TLL1: variants seen among roughly 807,000 people sequenced by gnomAD.
TLL1 encodes the protein tolloid like 1, also known as tolloid-like protein 1.
Under a neutral mutation model 128.2 loss-of-function variants are expected in TLL1, and 49 were observed. That is an observed-to-expected ratio of 0.38 (90% CI 0.30 to 0.48). The LOEUF (loss-of-function observed/expected upper bound fraction) is 0.48, where lower values mean the gene tolerates loss of function less well. Among genes scored for constraint, TLL1 ranks in the 20% least tolerant of loss-of-function variants. The pLI is 0.96. For synonymous variants in TLL1, 454 were observed against 418.8 expected, an observed-to-expected ratio of 1.08 and a Z score of -1.03; for missense variants, 1,123 against 1,242.0, an observed-to-expected ratio of 0.90 and a Z score of 1.44.
chr4:166,034,322 T>C (rs1175841972), intron 9 of TLL1, among the ~76,000 whole-genome samples: 1 of 152,060 alleles, frequency 6.6e-6, no homozygotes, highest in African/African-American at 2.4e-5. Context: ...GAAAGTAGAG[T>C]CCACATAGAA....
chr4:165,956,112 A>G, intron 1 of TLL1, among the ~76,000 whole-genome samples: 1 of 150,796 alleles, frequency 6.6e-6, no homozygotes, highest in Non-Finnish European at 1.5e-5. Flanking sequence ...TTCTGAGGGA[A>G]CAGGACAAAT....
Position 165,980,917 on chromosome 4 carries a change from T to C in TLL1, c.170-8464T>C, listed in dbSNP as rs184152390. Among the ~76,000 whole-genome samples the C allele has an allele frequency of 3.1e-3, 468 of 152,270 alleles. 3 individuals carry two copies. Among genetic ancestry groups the C allele is most frequent in the African/African-American group, 0.011 (444 of 41,564 alleles). On this transcript the variant is annotated intron_variant, in intron 1 of 20. Transcript: ENST00000061240. The stretch of plus-strand genomic sequence containing the variant: ...GTAAAATAAAATGTTTTAAACAGTT[T>C]TTTAAAAATTCTGTTCTTTTTGGAG...
At chr4:166,094,534 C>G (rs537996673) in intron 19 of TLL1, among the ~76,000 whole-genome samples, 3 of 152,080 alleles carry the variant, frequency 2.0e-5, no homozygotes, top group African/African-American at 7.2e-5. Flanking sequence ...TTAGGCAAAA[C>G]GGGCCATGGA....
intron 11 of TLL1, among the ~76,000 whole-genome samples, chr4:166,042,706 C>G (rs1739291010): frequency 6.6e-6 from 1 of 152,160 alleles, no homozygotes; most frequent in Non-Finnish European, 1.5e-5. Flanking sequence ...GAGACACTTC[C>G]TAGTACAGCA....
intron 10 of TLL1, among the ~76,000 whole-genome samples, chr4:166,040,955 T>C (rs1739210330): frequency 6.6e-6 from 1 of 152,168 alleles, no homozygotes; most frequent in Admixed American, 6.5e-5. Flanking sequence ...TATTTAAGCA[T>C]TTTGTGATCA....
At chr4:165,955,827 A>G (rs6536936) in intron 1 of TLL1, among the ~76,000 whole-genome samples, 4,391 of 152,250 alleles carry the variant, frequency 0.029, 234 homozygotes, top group African/African-American at 0.1. Flanking sequence ...CCTGATTATC[A>G]GGGTAACCTG....
At chr4:165,969,107 TGA>T (rs1735523219) in intron 1 of TLL1, among the ~76,000 whole-genome samples, 2 of 152,180 alleles carry the variant, frequency 1.3e-5, no homozygotes, top group African/African-American at 2.4e-5. Context: ...TATTTTTGTT[TGA>T]GTTATTTCCA....
chr4:165,929,411 T>G (rs1733416960), intron 1 of TLL1, among the ~76,000 whole-genome samples: 1 of 151,990 alleles, frequency 6.6e-6, no homozygotes, highest in South Asian at 2.1e-4. Context: ...TGGTGGCACA[T>G]GCCTGTAATC....
intron 5 of TLL1, among the ~76,000 whole-genome samples, chr4:165,998,999 A>T (rs927216963): frequency 6.6e-6 from 1 of 152,264 alleles, no homozygotes; most frequent in South Asian, 2.1e-4. Context: ...TTAAGCAGAA[A>T]AAACGATTTA....
chr4:166,010,625 T>C (rs1480797154), intron 7 of TLL1, among the ~76,000 whole-genome samples: 1 of 151,054 alleles, frequency 6.6e-6, no homozygotes, highest in Non-Finnish European at 1.5e-5. Context: ...GCTGTGTCCT[T>C]TGATGTACAC....
Position 165,994,406 on chromosome 4 carries a change from G to T in TLL1, c.387G>T (p.Lys129Asn), listed in dbSNP as rs1736769385. 1 of 1,613,852 alleles carries T rather than the reference G, an allele frequency of 6.2e-7. No individual in the cohort carries two copies. The change falls in exon 4 of 21, where the codon AAG becomes AAT. Residue 129 changes from lysine to asparagine, a missense_variant. Lys to Asn is a moderately conservative substitution (Grantham distance 94). This residue lies in a region of TLL1 where 480 missense variants were observed against 542.4 expected (regional missense o/e 0.89). Transcript: ENST00000061240. Reference protein sequence around the residue: ...GFGLEQNNTVKGKVPLQFSGQ... With the variant: ...GFGLEQNNTVNGKVPLQFSGQ... ...GCTTGGAGCAAAACAACACAGTTAA[G>T]GGAAAAGTACCTCTACAATTCTCAG... is the stretch of plus-strand genomic sequence containing the variant.
At chr4:165,879,147 A>G (rs546281917) in intron 1 of TLL1, among the ~76,000 whole-genome samples, 2 of 151,900 alleles carry the variant, frequency 1.3e-5, no homozygotes, top group South Asian at 4.2e-4. Context: ...GGGTTTCACC[A>G]TGTTGCCTAG....
At chr4:166,096,843 C>T (rs1441087480) in intron 19 of TLL1, among the ~76,000 whole-genome samples, 2 of 152,032 alleles carry the variant, frequency 1.3e-5, no homozygotes, top group African/African-American at 4.8e-5. Flanking sequence ...AAATATTTTA[C>T]TGGCCTTCAA....
chr4:166,090,151 T>G, intron 18 of TLL1, among the ~76,000 whole-genome samples: 1 of 151,996 alleles, frequency 6.6e-6, no homozygotes, highest in East Asian at 2.0e-4. Flanking sequence ...GTTTGAAATA[T>G]ATTTCATACT....
chr4:166,016,396 G>A (rs1021652531), intron 8 of TLL1, among the ~76,000 whole-genome samples: 9 of 151,944 alleles, frequency 5.9e-5, no homozygotes, highest in Non-Finnish European at 2.9e-5. Context: ...CTAAATGTAC[G>A]TCTACATACA....
intron 1 of TLL1, among the ~76,000 whole-genome samples, chr4:165,946,058 G>A (rs1407532257): frequency 2.6e-5 from 4 of 152,138 alleles, no homozygotes; most frequent in Non-Finnish European, 5.9e-5. Context: ...GCTGTTGTTG[G>A]AGTGGCTAGG....
chr4:165,960,032 A>G (rs1375002616), intron 1 of TLL1, among the ~76,000 whole-genome samples: 1 of 152,116 alleles, frequency 6.6e-6, no homozygotes, highest in Non-Finnish European at 1.5e-5. Flanking sequence ...ATCCATACAG[A>G]AGTTCAGCAA....
chr4:165,952,104 T>A (rs1734553994), intron 1 of TLL1, among the ~76,000 whole-genome samples: 1 of 152,162 alleles, frequency 6.6e-6, no homozygotes, highest in African/African-American at 2.4e-5. Flanking sequence ...GTACAAATAT[T>A]TCCCATGTGA....
rs544160163 is a variant in TLL1, at chr4:166,027,234, A to T, written c.1158+1803A>T. Among the ~76,000 whole-genome samples, 10 of 152,244 alleles carry T rather than the reference A, an allele frequency of 6.6e-5. No individual in the cohort carries two copies. In the East Asian group the frequency reaches 1.9e-3, roughly 29 times the overall value. Reference sequence around the variant, plus strand: ...ATGGGAGTAATAGACACTGAAGACTACTAGATGGGGGAGCCTGAAAAGGGG... The same window carrying T: ...ATGGGAGTAATAGACACTGAAGACTTCTAGATGGGGGAGCCTGAAAAGGGG... On this transcript the variant is annotated intron_variant, in intron 9 of 20. Coordinates refer to ENST00000061240, the MANE Select transcript of TLL1 (RefSeq NM_012464.5).
Sources: allele counts gnomAD v4.1 joint callset (sites outside exome capture counted in the v4.1 genomes callset), GRCh38; gene constraint gnomAD v4.1.1; regional missense constraint gnomAD v4.1.1; transcripts MANE v1.5; gene names NCBI Gene and HGNC (gene_info 2026-07-23, HGNC 2026-07-21).